The following CREBZF variants were observed in gnomAD, a reference collection of about 807,000 sequenced individuals.
The protein encoded by CREBZF is CREB/ATF bZIP transcription factor.
CREBZF carries 8 observed loss-of-function variants against 21.1 expected under a neutral mutation model. The observed-to-expected ratio is 0.38, with a 90% CI of 0.22 to 0.68. The LOEUF (loss-of-function observed/expected upper bound fraction) is 0.68. CREBZF is among the 30% of genes least tolerant of loss of function. CREBZF has a pLI of 0.51. For synonymous variants in CREBZF, 270 were observed against 223.3 expected, an observed-to-expected ratio of 1.21 and a Z score of -1.86; for missense variants, 518 against 484.3, an observed-to-expected ratio of 1.07 and a Z score of -0.65.
In CREBZF at chr11:85,663,491, G is replaced by T; in HGVS notation, c.*320C>A. The T allele has an allele frequency of 2.4e-6, 2 of 827,690 alleles. No individual in the cohort carries two copies. Among genetic ancestry groups the T allele is most frequent in the Non-Finnish European group, 4.1e-6 (2 of 486,386 alleles). 51.3% of individuals were successfully genotyped at this position (827,690 alleles called of 1,614,324 possible). A position where few individuals can be genotyped will look rare whatever the true frequency, so the allele number is the denominator to read the frequency against. On this transcript the variant is annotated 3_prime_UTR_variant, in exon 1 of 1. Transcript: ENST00000527447. ...CCATTAAAGTAGACAAAGCAGCAGA[G>T]CATGAGCGTTACGGGAAGAGATGGA...
At position 85,662,644 on chromosome 11, in the gene CREBZF, G is replaced by A; in HGVS notation, c.*1167C>T. The A allele has an allele frequency of 4.6e-6, 2 of 436,488 alleles. No individual in the cohort carries two copies. Among genetic ancestry groups the A allele is most frequent in the South Asian group, 6.6e-5 (1 of 15,090 alleles). The allele number at this position is 436,488 out of a possible 1,614,324, so 27.0% of individuals were successfully genotyped here. A position where few individuals can be genotyped will look rare whatever the true frequency, so the allele number is the denominator to read the frequency against. ...ATAGTACCAATCGTGTCATTTAAGT[G>A]GCCAGAACCACTCAATTTAAAAAAT... is the stretch of plus-strand genomic sequence containing the variant. On this transcript the variant is annotated 3_prime_UTR_variant, in exon 1 of 1. Coordinates refer to ENST00000527447, the MANE Select transcript of CREBZF (RefSeq NM_001039618.4).
At position 85,663,863 on chromosome 11, in the gene CREBZF, A is replaced by G; in HGVS notation, c.1013T>C (p.Val338Ala). ...CCGGGCGCACGCCGAGCAGAACTCC[A>G]CCGACACCTTATCCTTGTCCACATG... is the stretch of plus-strand genomic sequence containing the variant. ...CLHVDKDKVS[V>A]EFCSACARKA... Residue 338 changes from valine to alanine, a missense_variant, in exon 1 of 1, where the codon GTG (valine) becomes GCG (alanine). By Grantham distance (64) the Val-to-Ala change is moderately conservative. Transcript: ENST00000527447. 6.2e-7 allele frequency: 1 copy of G among 1,610,264 alleles called. No homozygotes were observed. Among genetic ancestry groups the G allele is most frequent in the Non-Finnish European group, 8.5e-7 (1 of 1,179,556 alleles).
At chr11:85,679,552 T>C (rs1158313301) in intron 1 of CREBZF, among the ~76,000 whole-genome samples, 1 of 152,206 alleles carries the variant, frequency 6.6e-6, no homozygotes, top group Non-Finnish European at 1.5e-5. Context: ...AAAACAAAAA[T>C]GAATACCAAA....
upstream of CREBZF, among the ~76,000 whole-genome samples, chr11:85,666,473 A>C (rs948894247): frequency 2.0e-5 from 3 of 152,234 alleles, no homozygotes; most frequent in African/African-American, 7.2e-5. Context: ...TGACAGCCCA[A>C]ACAAAAAAAG....
Position 85,665,012 on chromosome 11 carries a change from C to T in CREBZF, c.-137G>A, listed in dbSNP as rs2082829204. ...GCAGGGAAAGGTCCGAGTCGCCTCC[C>T]GCCTCACTTGGCTAGTCGACCCCCC... On this transcript the variant is annotated 5_prime_UTR_variant, in exon 1 of 1. Coordinates refer to ENST00000527447, the MANE Select transcript of CREBZF (RefSeq NM_001039618.4). 2 of 558,086 alleles carry T rather than the reference C, an allele frequency of 3.6e-6. No individual in the cohort carries two copies. The highest frequency in any genetic ancestry group is 5.7e-6 in the Non-Finnish European group (2 of 353,666). The allele number at this position is 558,086 out of a possible 1,614,324, so 34.6% of individuals were successfully genotyped here. A position where few individuals can be genotyped will look rare whatever the true frequency, so the allele number is the denominator to read the frequency against.
rs1029327440 is a variant in CREBZF at position 85,663,038 on chromosome 11, G to A, written c.*773C>T. The A allele has an allele frequency of 6.1e-6, 1 of 164,454 alleles. No homozygotes were observed. The highest frequency in any genetic ancestry group is 5.8e-5 in the Admixed American group (1 of 17,276). 10.2% of individuals were successfully genotyped at this position (164,454 alleles called of 1,614,324 possible). On this transcript the variant is annotated 3_prime_UTR_variant, in exon 1 of 1. Coordinates refer to ENST00000527447, the MANE Select transcript of CREBZF (RefSeq NM_001039618.4). Reference sequence around the variant, plus strand: ...ACTAAAAGGCATTGTTGATATTTAAGAGATACCTGTCACCTCCAGCAAAAT... The same window carrying A: ...ACTAAAAGGCATTGTTGATATTTAAAAGATACCTGTCACCTCCAGCAAAAT...
At chr11:85,680,190 C>T (rs1345109169) in intron 1 of CREBZF, among the ~76,000 whole-genome samples, 2 of 152,108 alleles carry the variant, frequency 1.3e-5, no homozygotes, top group Non-Finnish European at 2.9e-5. Context: ...TGCTCTATAG[C>T]TTGTTGTGTT....
intron 1 of CREBZF, among the ~76,000 whole-genome samples, chr11:85,675,741 T>C (rs1281927862): frequency 6.6e-6 from 1 of 152,102 alleles, no homozygotes. Flanking sequence ...TGAAATGCAA[T>C]AAAACAAGGT....
In CREBZF at chr11:85,664,061, G is replaced by C; in HGVS notation, c.815C>G (p.Ala272Gly). 6.2e-7 allele frequency: 1 copy of C among 1,613,690 alleles called. No individual in the cohort carries two copies. The highest frequency in any genetic ancestry group is 8.5e-7 in the Non-Finnish European group (1 of 1,180,040). Residue 272 changes from alanine to glycine, a missense_variant, in exon 1 of 1, where the codon GCC (alanine) becomes GGC (glycine). By Grantham distance (60) the Ala-to-Gly change is moderately conservative. Transcript: ENST00000527447. This position sits in a 1 kb window ranked among gnomAD's most constrained non-coding sequence, Gnocchi z 5.5. The stretch of plus-strand genomic sequence containing the variant: ...CAAGCGAGCCAGTCCAGTCTCGTTG[G>C]CTAAGACTGCCCGTAGGTAGCGACT... ...EESRYLRAVL[A>G]NETGLARLLS...
At position 85,662,989 on chromosome 11, in the gene CREBZF, C is replaced by T. The variant is rs1403275263; in HGVS notation, c.*822G>A. 2 of 160,352 alleles carry T rather than the reference C, an allele frequency of 1.2e-5. No homozygotes were observed. Among genetic ancestry groups the T allele is most frequent in the African/African-American group, 4.8e-5 (2 of 41,524 alleles). The allele number at this position is 160,352 out of a possible 1,614,324, so 9.9% of individuals were successfully genotyped here. A position where few individuals can be genotyped will look rare whatever the true frequency, so the allele number is the denominator to read the frequency against. ...CATTAAAATGTTACTCCATTATAGA[C>T]TGTTTCTATATCTCATACTGAAAAC... On this transcript the variant is annotated 3_prime_UTR_variant, in exon 1 of 1. Coordinates refer to ENST00000527447, the MANE Select transcript of CREBZF (RefSeq NM_001039618.4).
chr11:85,660,620 GATTA>G lies in CREBZF; in HGVS notation c.*3187_*3190del. On this transcript the variant is annotated 3_prime_UTR_variant, in exon 1 of 1. Coordinates refer to ENST00000527447, the MANE Select transcript of CREBZF (RefSeq NM_001039618.4). ...AAGCTGTTCAAAGAGAAGAGAGAGA[GATTA>G]ATTTAGTGATTATAAAATGCACAAA... The G allele has an allele frequency of 2.2e-6, 1 of 452,630 alleles. No individual in the cohort carries two copies. The highest frequency in any genetic ancestry group is 4.4e-6 in the Non-Finnish European group (1 of 225,414). The allele number at this position is 452,630 out of a possible 1,614,324, so 28.0% of individuals were successfully genotyped here.
rs561366754 is a variant in CREBZF at position 85,660,970 on chromosome 11, A to T, written c.*2841T>A. On this transcript the variant is annotated 3_prime_UTR_variant, in exon 1 of 1. Coordinates refer to ENST00000527447, the MANE Select transcript of CREBZF (RefSeq NM_001039618.4). ...TTACAGTAAATAGAGCCAAACCTAG[A>T]AATTTCAAAAACAATCCATTTTATA... The T allele has an allele frequency of 2.6e-5, 4 of 153,956 alleles. No homozygotes were observed. Among genetic ancestry groups the T allele is most frequent in the African/African-American group, 9.6e-5 (4 of 41,580 alleles). The allele number at this position is 153,956 out of a possible 1,614,324, so 9.5% of individuals were successfully genotyped here.
rs2153319554 is a variant in CREBZF at position 85,661,465 on chromosome 11, T to G, written c.*2346A>C. The G allele has an allele frequency of 6.6e-6, 1 of 152,496 alleles. No homozygotes were observed. The highest frequency in any genetic ancestry group is 2.1e-4 in the South Asian group (1 of 4,822). The allele number at this position is 152,496 out of a possible 1,614,324, so 9.4% of individuals were successfully genotyped here. ...TCAAGTAATTCCAAAAACTGCCATT[T>G]ATAAAATGACATTCTAAAAATCTAC... On this transcript the variant is annotated 3_prime_UTR_variant, in exon 1 of 1. Coordinates refer to ENST00000527447, the MANE Select transcript of CREBZF (RefSeq NM_001039618.4).
rs541805015 is a variant in CREBZF at position 85,673,853 on chromosome 11, T to C, written n.147+8864A>G. ...TCATTCAAACAATGTTCACAGCATC[T>C]TCACCAGAAATAGATTCCATCCCAA... On this transcript the variant is annotated intron_variant and non_coding_transcript_variant, in intron 1 of 3. Transcript: ENST00000531515. 2.0e-4 allele frequency among the ~76,000 whole-genome samples: 31 copies of C among 152,334 alleles called. 1 individual carries two copies. The highest frequency in any genetic ancestry group is 7.2e-4 in the African/African-American group (30 of 41,576).
In CREBZF at chr11:85,664,187, A is replaced by C; in HGVS notation, c.689T>G (p.Met230Arg). Residue 230 changes from methionine (M) to arginine (R), a missense_variant, in exon 1 of 1, where the codon ATG (methionine) becomes AGG (arginine). By Grantham distance (91) the Met-to-Arg change is moderately conservative (BLOSUM62 -1). Around this residue, in one of 3 missense-constraint regions of CREBZF, gnomAD observed 396 missense variants for 324.4 expected, o/e 1.22. Transcript: ENST00000527447. This position sits in a 1 kb window ranked among gnomAD's most constrained non-coding sequence, Gnocchi z 5.5. The part of the protein sequence containing the change: ...LNRLKKKEYV[M>R]GLESRVRGLA... ...ACCCCGGACTCGACTCTCCAGCCCC[A>C]TCACGTACTCCTTCTTCTTCAGTCG... The C allele has an allele frequency of 6.2e-7, 1 of 1,613,250 alleles. No individual in the cohort carries two copies. Among genetic ancestry groups the C allele is most frequent in the East Asian group, 2.2e-5 (1 of 44,852 alleles).
intron 1 of CREBZF, among the ~76,000 whole-genome samples, chr11:85,680,516 T>C (rs2082970014): frequency 6.6e-6 from 1 of 152,188 alleles, no homozygotes; most frequent in African/African-American, 2.4e-5. Flanking sequence ...GTAAGGGTGT[T>C]GTGAGGGCAC....
intron 1 of CREBZF, among the ~76,000 whole-genome samples, chr11:85,679,437 C>T (rs1431445320): frequency 6.6e-6 from 1 of 152,092 alleles, no homozygotes; most frequent in Non-Finnish European, 1.5e-5. Context: ...TAAATTAATG[C>T]AATATATTCA....
At chr11:85,675,412 G>C (rs2082936104) in intron 1 of CREBZF, among the ~76,000 whole-genome samples, 1 of 152,150 alleles carries the variant, frequency 6.6e-6, no homozygotes, top group Admixed American at 6.5e-5. Context: ...CCCAAGGAGA[G>C]GGAGAGAGAC....
rs1277417722 is a variant in CREBZF, at chr11:85,658,955, C to T, written c.*4856G>A. On this transcript the variant is annotated 3_prime_UTR_variant, in exon 1 of 1. Transcript: ENST00000527447. ...ACAAAAAGTATGGAATATTTTAAGA[C>T]AATAAAGAGTGACTGGTGTTGAGAG... Among the ~76,000 whole-genome samples the T allele has an allele frequency of 6.6e-6, 1 of 151,910 alleles. No individual in the cohort carries two copies. The highest frequency in any genetic ancestry group is 1.5e-5 in the Non-Finnish European group (1 of 67,894).
Sources: allele counts gnomAD v4.1 joint callset (sites outside exome capture counted in the v4.1 genomes callset), GRCh38; gene constraint gnomAD v4.1.1; regional missense constraint gnomAD v4.1.1; non-coding constraint Gnocchi (gnomAD v3.1); transcripts MANE v1.5; gene names NCBI Gene and HGNC (gene_info 2026-07-23, HGNC 2026-07-21).